JARID2: variants seen among roughly 807,000 people sequenced by gnomAD.
JARID2 encodes the protein jumonji and AT-rich interaction domain containing 2, also known as protein Jumonji.
A neutral mutation model predicts 125.6 loss-of-function variants in JARID2; 21 were observed. The observed-to-expected ratio is 0.17, with a 90% CI of 0.12 to 0.24. JARID2 has a LOEUF of 0.24. Among genes scored for constraint, JARID2 ranks in the 10% least tolerant of loss-of-function variants. The pLI, the probability that JARID2 is intolerant of heterozygous loss-of-function variation, is 1.00. For missense variants in JARID2, 1,303 were observed against 1,639.6 expected (o/e 0.79, Z 3.55); for synonymous variants, 736 against 661.6 (o/e 1.11, Z -1.73).
chr6:15,512,901 G>C lies in JARID2; in HGVS notation c.3136-14G>C. On this transcript the variant is annotated splice_polypyrimidine_tract_variant and intron_variant, in intron 14 of 17. Coordinates refer to ENST00000341776, the MANE Select transcript of JARID2 (RefSeq NM_004973.4). ...ATGAAAATCCACCCTAAAGGGATGT[G>C]ACTCCTCTTTCAGGAAATGAAGCGT... The C allele has an allele frequency of 6.2e-7, 1 of 1,613,250 alleles. No individual in the cohort carries two copies. The highest frequency in any genetic ancestry group is 2.2e-5 in the East Asian group (1 of 44,838).
At chr6:15,275,525 CCCCCCCCG>C (rs1156965773) in intron 1 of JARID2, among the ~76,000 whole-genome samples, 3 of 9,856 alleles carry the variant, frequency 3.0e-4, no homozygotes, top group Non-Finnish European at 9.0e-4. Flanking sequence ...CCATTTACCG[CCCCCCCCG>C]CCCCCCCCCC....
chr6:15,447,795 C>A (rs1369354550), intron 3 of JARID2, among the ~76,000 whole-genome samples: 1 of 152,256 alleles, frequency 6.6e-6, no homozygotes, highest in Non-Finnish European at 1.5e-5. Context: ...TCACCTTTCT[C>A]CTCGTGCTTG....
At chr6:15,300,726 A>T (rs140769880) in intron 1 of JARID2, among the ~76,000 whole-genome samples, 11,795 of 96,358 alleles carry the variant, frequency 0.12, 449 homozygotes, top group East Asian at 0.19. Context: ...TGTGTGTGAG[A>T]GAGAGAGAGA....
At position 15,370,783 on chromosome 6, in the gene JARID2, A is replaced by G. The variant is rs549140386; in HGVS notation, c.46-3334A>G. Among the ~76,000 whole-genome samples, 4 of 152,312 alleles carry G rather than the reference A, an allele frequency of 2.6e-5. No individual in the cohort carries two copies. In the East Asian group the frequency reaches 7.7e-4, roughly 29 times the overall value. On this transcript the variant is annotated intron_variant, in intron 1 of 17. Coordinates refer to ENST00000341776, the MANE Select transcript of JARID2 (RefSeq NM_004973.4). ...CATCTTGGATAGGTTGAGTGCAGGC[A>G]CACCTTTGCTGTCTGCATCTGGGAT...
intron 7 of JARID2, among the ~76,000 whole-genome samples, chr6:15,500,493 A>C (rs973296829): frequency 6.6e-6 from 1 of 152,176 alleles, no homozygotes; most frequent in South Asian, 2.1e-4. Context: ...GGGTGCAGCC[A>C]GGACCCCTAC....
At chr6:15,400,710 G>T in intron 2 of JARID2, 1 of 682,826 alleles carries the variant, frequency 1.5e-6, no homozygotes, top group Non-Finnish European at 1.8e-6. Context: ...CCTCCTCTTT[G>T]GTGTTCGATT....
At chr6:15,331,079 C>T (rs1342297246) in intron 1 of JARID2, among the ~76,000 whole-genome samples, 1 of 152,146 alleles carries the variant, frequency 6.6e-6, no homozygotes, top group Non-Finnish European at 1.5e-5. Flanking sequence ...TAGCTCACAC[C>T]TGCAATCCTA....
intron 3 of JARID2, among the ~76,000 whole-genome samples, chr6:15,449,857 G>GAC (rs1375976996): frequency 2.0e-5 from 3 of 152,112 alleles, no homozygotes; most frequent in Non-Finnish European, 4.4e-5. Context: ...GACAAGAGTA[G>GAC]ACACTGCTTA....
chr6:15,454,565 C>T (rs1483821708), intron 4 of JARID2, among the ~76,000 whole-genome samples: 1 of 152,120 alleles, frequency 6.6e-6, no homozygotes, highest in African/African-American at 2.4e-5. Context: ...GCAGCCTCGA[C>T]CTCCTGGGCT....
chr6:15,415,632 C>T (rs1487499045), intron 3 of JARID2, among the ~76,000 whole-genome samples: 1 of 147,144 alleles, frequency 6.8e-6, no homozygotes, highest in Non-Finnish European at 1.5e-5. Flanking sequence ...GGGCGGCTGG[C>T]CGGGCGGGGG....
At chr6:15,381,632 A>G (rs1015608127) in intron 2 of JARID2, among the ~76,000 whole-genome samples, 1 of 152,230 alleles carries the variant, frequency 6.6e-6, no homozygotes, top group Admixed American at 6.5e-5. Context: ...TGGAAAGGCG[A>G]GAAGGCTTGG....
At chr6:15,509,157 C>T (rs775733623) in intron 12 of JARID2, 40 of 1,285,460 alleles carry the variant, frequency 3.1e-5, no homozygotes, top group African/African-American at 1.7e-4. Context: ...GCTGGGTCCC[C>T]GCCTGTAATC....
chr6:15,483,588 T>C lies in JARID2; in HGVS notation c.671-3719T>C, dbSNP rs115409343. Reference sequence around the variant, plus strand: ...AATGTACTGTAGCATGTATCAATACTTGATTTCCTTTTTATGGCTAATACT... The same window carrying C: ...AATGTACTGTAGCATGTATCAATACCTGATTTCCTTTTTATGGCTAATACT... On this transcript the variant is annotated intron_variant, in intron 5 of 17. Coordinates refer to ENST00000341776, the MANE Select transcript of JARID2 (RefSeq NM_004973.4). Among the ~76,000 whole-genome samples the C allele has an allele frequency of 3.1e-3, 470 of 152,356 alleles. 5 individuals are homozygous for C. The highest frequency in any genetic ancestry group is 0.011 in the African/African-American group (455 of 41,574).
At chr6:15,450,039 A>AT (rs200099195) in intron 3 of JARID2, among the ~76,000 whole-genome samples, 12 of 62,742 alleles carry the variant, frequency 1.9e-4, no homozygotes, top group South Asian at 1.3e-3. Context: ...AAATAGTATA[A>AT]TTTTTTTTTA....
intron 5 of JARID2, among the ~76,000 whole-genome samples, chr6:15,480,554 GTA>G (rs1274987080): frequency 6.6e-6 from 1 of 152,172 alleles, no homozygotes; most frequent in Non-Finnish European, 1.5e-5. Context: ...TTGGAGACAG[GTA>G]AAAGTAGAAG....
intron 5 of JARID2, among the ~76,000 whole-genome samples, chr6:15,487,065 G>C (rs1170044125): frequency 6.6e-6 from 1 of 152,136 alleles, no homozygotes; most frequent in Non-Finnish European, 1.5e-5. Context: ...GAAAGGTAGA[G>C]CGTGAGGTGG....
At chr6:15,397,359 A>C (rs1216375807) in intron 2 of JARID2, among the ~76,000 whole-genome samples, 1 of 152,178 alleles carries the variant, frequency 6.6e-6, no homozygotes, top group Non-Finnish European at 1.5e-5. Flanking sequence ...TATTATGTGA[A>C]ATTCTCTGGC....
chr6:15,429,747 G>A (rs900382608), intron 3 of JARID2, among the ~76,000 whole-genome samples: 2 of 152,112 alleles, frequency 1.3e-5, no homozygotes, highest in Admixed American at 6.6e-5. Context: ...CCGAGTACAC[G>A]TTTTTGGTAG....
In JARID2 at chr6:15,463,149, T is replaced by C. The variant is rs187719515; in HGVS notation, c.494-5393T>C. On this transcript the variant is annotated intron_variant, in intron 4 of 17. Transcript: ENST00000341776. ...TCTGCCTGTAATTTTAATAGGAAAC[T>C]GTCTATATTGACTATACTTTTATAA... 5.0e-3 allele frequency among the ~76,000 whole-genome samples: 757 copies of C among 152,312 alleles called. 3 individuals are homozygous for C. The highest frequency in any genetic ancestry group is 9.4e-3 in the Non-Finnish European group (640 of 68,030).
Sources: gnomAD v4.1 joint callset for allele counts (sites outside exome capture counted in the v4.1 genomes callset) on GRCh38, gnomAD v4.1.1 for gene constraint, MANE v1.5 for transcripts, NCBI Gene and HGNC (gene_info 2026-07-23, HGNC 2026-07-21) for gene names.